The following FRAS1 variants were observed in gnomAD, a reference collection of about 807,000 sequenced individuals.
FRAS1 encodes the protein Fraser extracellular matrix complex subunit 1.
FRAS1 carries 290 observed loss-of-function variants against 435.2 expected under a neutral mutation model. The observed-to-expected ratio is 0.67, with a 90% CI of 0.61 to 0.73. FRAS1 has a LOEUF of 0.73. Among genes scored for constraint, FRAS1 ranks in the 30% least tolerant of loss-of-function variants. The pLI, the probability that FRAS1 is intolerant of heterozygous loss-of-function variation, is 0.00. For synonymous variants in FRAS1, 1,800 were observed against 1,851.0 expected, an observed-to-expected ratio of 0.97 and a Z score of 0.71; for missense variants, 4,860 against 5,001.5, an observed-to-expected ratio of 0.97 and a Z score of 0.85.
chr4:78,068,610 C>T (rs901799192), intron 2 of FRAS1: 1 of 456,070 alleles, frequency 2.2e-6, no homozygotes, highest in African/African-American at 2.0e-5. Flanking sequence ...CTGGACTTAT[C>T]ATCTAATTAA....
At chr4:78,224,962 A>G (rs1293329489) in intron 2 of FRAS1, among the ~76,000 whole-genome samples, 2 of 152,208 alleles carry the variant, frequency 1.3e-5, no homozygotes, top group African/African-American at 4.8e-5. Flanking sequence ...GCGCATTAGT[A>G]GTGGTCATAT....
chr4:78,120,888 G>T (rs538906369), intron 2 of FRAS1, among the ~76,000 whole-genome samples: 1 of 152,132 alleles, frequency 6.6e-6, no homozygotes, highest in Non-Finnish European at 1.5e-5. Context: ...CAGGTGGGGG[G>T]GATGGAGTTA....
At chr4:78,180,352 T>C (rs988191242) in intron 2 of FRAS1, among the ~76,000 whole-genome samples, 96 of 152,332 alleles carry the variant, frequency 6.3e-4, no homozygotes, top group African/African-American at 2.1e-3. Flanking sequence ...ATACATATAG[T>C]TAGTATTCCA....
intron 2 of FRAS1, among the ~76,000 whole-genome samples, chr4:78,113,623 C>G (rs551705644): frequency 1.3e-5 from 2 of 152,298 alleles, no homozygotes; most frequent in East Asian, 3.9e-4. Context: ...CCATAAATGT[C>G]TTCTTTTGAG....
intron 6 of FRAS1, among the ~76,000 whole-genome samples, chr4:78,256,965 C>T (rs1413300558): frequency 6.6e-6 from 1 of 152,086 alleles, no homozygotes; most frequent in Non-Finnish European, 1.5e-5. Context: ...CAAAGGGGTG[C>T]TATCAAATTA....
rs149081495 is a variant in FRAS1, at chr4:78,173,502, C to A, written c.109-64008C>A. 7.9e-5 allele frequency among the ~76,000 whole-genome samples: 12 copies of A among 152,332 alleles called. No individual in the cohort carries two copies. In the East Asian group the frequency reaches 2.3e-3, roughly 29 times the overall value. ...AGACTCCCTCACTTGCATCTCCTCC[C>A]TCTTTACAATTACTGGGAAGCTCCC... On this transcript the variant is annotated intron_variant, in intron 2 of 73. Transcript: ENST00000512123.
At chr4:78,469,954 T>G (rs1560745698) in intron 50 of FRAS1, 24 bp from the exon 51 acceptor site, 1 of 1,569,056 alleles carries the variant, frequency 6.4e-7, no homozygotes, top group Non-Finnish European at 8.8e-7. Flanking sequence ...AATGATGAGT[T>G]TTCTTTTCTG....
chr4:78,307,494 A>G (rs925305847), intron 14 of FRAS1, among the ~76,000 whole-genome samples: 1 of 151,826 alleles, frequency 6.6e-6, no homozygotes, highest in Non-Finnish European at 1.5e-5. Context: ...GATCTCAGCT[A>G]GCAATCAGCG....
At position 78,424,359 on chromosome 4, in the gene FRAS1, T is replaced by C. The variant is rs145073216; in HGVS notation, c.4679-29T>C. 172 of 1,356,020 alleles carry C rather than the reference T, an allele frequency of 1.3e-4. No homozygotes were observed. The African/African-American group carries it at 1.9e-3, about 15-fold the overall frequency. 84.0% of individuals were successfully genotyped at this position (1,356,020 alleles called of 1,614,324 possible). A position where few individuals can be genotyped will look rare whatever the true frequency, so the allele number is the denominator to read the frequency against. ...CTCTCTCTGATCCCAAAGTGTTTAA[T>C]ATACTGATTGTCTCTCTTACTCTTT... On this transcript the variant is annotated intron_variant, in intron 34 of 73. Transcript: ENST00000512123.
At position 78,540,965 on chromosome 4, in the gene FRAS1, C is replaced by T. The variant is rs773621376; in HGVS notation, c.11880C>T (p.Asp3960=). ...TAGAAGTGCCCAAGAGGCACCCGGA[C>T]CGGGTGGAGAAGAACGTGAATAGAC... ...TKVEVPKRHP[D]RVEKNVNRHY... Residue 3960 remains aspartate, a synonymous_variant, in exon 74 of 74, where the codon GAC becomes GAT. Coordinates refer to ENST00000512123, the MANE Select transcript of FRAS1 (RefSeq NM_025074.7). 29 of 1,613,574 alleles carry T rather than the reference C, an allele frequency of 1.8e-5. No homozygotes were observed. Among genetic ancestry groups the T allele is most frequent in the Non-Finnish European group, 2.1e-5 (25 of 1,179,786 alleles).
At chr4:78,441,037 C>G in intron 40 of FRAS1, 125 bp from the exon 41 acceptor site, 1 of 822,054 alleles carries the variant, frequency 1.2e-6, no homozygotes, top group Admixed American at 2.4e-5. Context: ...TGTAGATGGT[C>G]TGCCTCCTCA....
At chr4:78,488,327 A>G (rs1720237598) in intron 58 of FRAS1, among the ~76,000 whole-genome samples, 1 of 152,200 alleles carries the variant, frequency 6.6e-6, no homozygotes, top group South Asian at 2.1e-4. Flanking sequence ...TCATTTGAAA[A>G]TAAGATCTGG....
Position 78,372,606 on chromosome 4 carries a change from T to TA in FRAS1, c.2870-111dup, listed in dbSNP as rs1476086256. The TA allele has an allele frequency of 1.2e-5, 15 of 1,290,228 alleles. 1 individual carries two copies. In the South Asian group the frequency reaches 1.6e-4, roughly 14 times the overall value. 79.9% of individuals were successfully genotyped at this position (1,290,228 alleles called of 1,614,324 possible). The stretch of plus-strand genomic sequence containing the variant: ...TTGAGCCTACTTATCTGACATCTCT[T>TA]ACGTTGTCCTTATTTTACTCCTTGC... On this transcript the variant is annotated intron_variant, in intron 23 of 73. Transcript: ENST00000512123.
intron 66 of FRAS1, among the ~76,000 whole-genome samples, chr4:78,518,015 G>A (rs935997114): frequency 2.6e-5 from 4 of 152,080 alleles, no homozygotes; most frequent in African/African-American, 9.7e-5. Flanking sequence ...ACTTTGGGAG[G>A]CTGAGGCTGG....
At chr4:78,245,964 A>G (rs1174775491) in intron 4 of FRAS1, among the ~76,000 whole-genome samples, 2 of 152,204 alleles carry the variant, frequency 1.3e-5, no homozygotes, top group Non-Finnish European at 2.9e-5. Context: ...AGACATGGCC[A>G]AATTTCCCTT....
rs1332379751 is a variant in FRAS1 at position 78,542,265 on chromosome 4, T to A, written c.*1141T>A. ...CTTTGAGGGGTTCTTTTCTGGTAGCTCAGGCAATTATTTTTACCATATCAG... is the reference window on the plus strand; with the variant it reads ...CTTTGAGGGGTTCTTTTCTGGTAGCACAGGCAATTATTTTTACCATATCAG... On this transcript the variant is annotated 3_prime_UTR_variant, in exon 74 of 74. Coordinates refer to ENST00000512123, the MANE Select transcript of FRAS1 (RefSeq NM_025074.7). The A allele has an allele frequency of 6.6e-6, 1 of 152,202 alleles. No individual in the cohort carries two copies. Among genetic ancestry groups the A allele is most frequent in the African/African-American group, 2.4e-5 (1 of 41,446 alleles). The allele number at this position is 152,202 out of a possible 1,614,324, so 9.4% of individuals were successfully genotyped here.
chr4:78,347,342 C>G (rs1166522053), intron 20 of FRAS1, among the ~76,000 whole-genome samples: 3 of 152,202 alleles, frequency 2.0e-5, no homozygotes, highest in African/African-American at 7.2e-5. Flanking sequence ...GCTAGAGGGT[C>G]TTCCTCACTA....
intron 35 of FRAS1, among the ~76,000 whole-genome samples, chr4:78,425,532 G>A (rs1272424019): frequency 6.6e-6 from 1 of 152,130 alleles, no homozygotes; most frequent in Non-Finnish European, 1.5e-5. Flanking sequence ...TTTCATGGAG[G>A]GAAAAATGTT....
intron 47 of FRAS1, among the ~76,000 whole-genome samples, chr4:78,459,587 A>C (rs972312920): frequency 6.6e-6 from 1 of 152,368 alleles, no homozygotes; most frequent in South Asian, 2.1e-4. Flanking sequence ...GACCAACCAA[A>C]ATAGGATGCA....
Sources: allele counts gnomAD v4.1 joint callset (sites outside exome capture counted in the v4.1 genomes callset), GRCh38; gene constraint gnomAD v4.1.1; transcripts MANE v1.5; gene names NCBI Gene and HGNC (gene_info 2026-07-23, HGNC 2026-07-21).